Variants in ERC2 observed in about 807,000 individuals in gnomAD.
ERC2 encodes the protein ERC protein 2.
A neutral mutation model predicts 114.8 loss-of-function variants in ERC2; 42 were observed. The observed-to-expected ratio is 0.37, with a 90% CI of 0.29 to 0.47. ERC2 has a LOEUF of 0.47. Ranked by LOEUF, ERC2 falls within the 20% of genes least tolerant of loss-of-function variation. The probability of loss-of-function intolerance (pLI) is 0.99; values close to 1 mark genes in which losing one functional copy is unlikely to be tolerated. For missense variants in ERC2, 939 were observed against 1,150.7 expected (o/e 0.82, Z 2.66); for synonymous variants, 454 against 425.5 (o/e 1.07, Z -0.82).
chr3:56,137,860 A>T (rs892135592), intron 6 of ERC2, among the ~76,000 whole-genome samples: 9 of 152,154 alleles, frequency 5.9e-5, no homozygotes, highest in African/African-American at 2.2e-4. Flanking sequence ...ATTTTAATTA[A>T]TTTTAGTTTA....
At chr3:55,863,243 A>G (rs1298346906) in intron 14 of ERC2, among the ~76,000 whole-genome samples, 2 of 152,144 alleles carry the variant, frequency 1.3e-5, no homozygotes, top group Non-Finnish European at 2.9e-5. Flanking sequence ...GCCAATCCTC[A>G]AGTGATTCAG....
chr3:56,217,373 G>A (rs556651698), intron 3 of ERC2, among the ~76,000 whole-genome samples: 2 of 152,290 alleles, frequency 1.3e-5, no homozygotes, highest in Admixed American at 1.3e-4. Context: ...CAAATCATGA[G>A]TGAACTCCCA....
In ERC2 at chr3:55,831,987, G is replaced by T. The variant is rs577716639; in HGVS notation, c.2564+56402C>A. On this transcript the variant is annotated intron_variant, in intron 14 of 17. Coordinates refer to ENST00000288221, the MANE Select transcript of ERC2 (RefSeq NM_015576.3). Reference sequence around the variant, plus strand: ...ATGGCTCAGAGGGTCCTACGTCCACGGAGTTTCACTGATTGCTGGCACAGC... The same window carrying T: ...ATGGCTCAGAGGGTCCTACGTCCACTGAGTTTCACTGATTGCTGGCACAGC... Among the ~76,000 whole-genome samples the T allele has an allele frequency of 4.6e-5, 7 of 152,336 alleles. No individual in the cohort carries two copies. In the South Asian group the frequency reaches 1.2e-3, roughly 27 times the overall value.
At chr3:55,997,418 A>C (rs956140362) in intron 10 of ERC2, among the ~76,000 whole-genome samples, 1 of 151,426 alleles carries the variant, frequency 6.6e-6, no homozygotes, top group Non-Finnish European at 1.5e-5. Context: ...GTCTTCTAAA[A>C]GAATTTCAAT....
intron 6 of ERC2, among the ~76,000 whole-genome samples, chr3:56,107,686 T>C (rs1166476856): frequency 1.3e-5 from 2 of 152,146 alleles, no homozygotes; most frequent in Non-Finnish European, 2.9e-5. Flanking sequence ...AAATAAAATA[T>C]AATAAAACAG....
intron 3 of ERC2, among the ~76,000 whole-genome samples, chr3:56,251,336 T>A (rs2052138835): frequency 6.6e-6 from 1 of 152,236 alleles, no homozygotes; most frequent in Admixed American, 6.5e-5. Context: ...AAAAATCATA[T>A]ACTATTTCAA....
intron 6 of ERC2, among the ~76,000 whole-genome samples, chr3:56,117,136 C>G (rs966350491): frequency 6.6e-5 from 10 of 152,256 alleles, no homozygotes; most frequent in Admixed American, 6.5e-4. Context: ...TGGTGCTGCC[C>G]CTTCCTGAGC....
chr3:56,215,057 A>G (rs1222192973), intron 3 of ERC2, among the ~76,000 whole-genome samples: 3 of 152,218 alleles, frequency 2.0e-5, no homozygotes, highest in Non-Finnish European at 2.9e-5. Context: ...TGTAAAGACC[A>G]TCGAGGCTAG....
intron 12 of ERC2, among the ~76,000 whole-genome samples, chr3:55,975,914 A>G (rs2069554732): frequency 1.3e-5 from 2 of 152,164 alleles, no homozygotes; most frequent in African/African-American, 2.4e-5. Context: ...CAGCACAAAT[A>G]CCACCACATT....
rs564806712 is a variant in ERC2 at position 55,913,644 on chromosome 3, T to C, written c.2404-25095A>G. Among the ~76,000 whole-genome samples the C allele has an allele frequency of 3.9e-5, 6 of 152,324 alleles. No homozygotes were observed. The South Asian group carries it at 1.2e-3, about 32-fold the overall frequency. ...TTTATGGAAAAAGAAAAGGGACAAT[T>C]GGAAGATGACTTTTTCCAATGGAGA... On this transcript the variant is annotated intron_variant, in intron 13 of 17. Coordinates refer to ENST00000288221, the MANE Select transcript of ERC2 (RefSeq NM_015576.3).
chr3:56,416,301 C>T (rs1471479739), intron 2 of ERC2, among the ~76,000 whole-genome samples: 1 of 152,102 alleles, frequency 6.6e-6, no homozygotes, highest in Non-Finnish European at 1.5e-5. Context: ...CACCTCCTGC[C>T]CAAAGCTGAT....
At chr3:56,101,770 G>A (rs573545685) in intron 6 of ERC2, among the ~76,000 whole-genome samples, 2 of 152,136 alleles carry the variant, frequency 1.3e-5, no homozygotes, top group Non-Finnish European at 2.9e-5. Context: ...CATTAAAGAC[G>A]GAAATGTACT....
chr3:55,509,280 T>C lies in ERC2; in HGVS notation c.*2036A>G, dbSNP rs957253527. 1.3e-5 allele frequency: 2 copies of C among 152,560 alleles called. No individual in the cohort carries two copies. Among genetic ancestry groups the C allele is most frequent in the Non-Finnish European group, 2.9e-5 (2 of 68,020 alleles). The allele number at this position is 152,560 out of a possible 1,614,324, so 9.5% of individuals were successfully genotyped here. A position where few individuals can be genotyped will look rare whatever the true frequency, so the allele number is the denominator to read the frequency against. ...ACCCTATTTTCCCTACTGGATTTCC[T>C]ACTTCCTACTTCAAGTATTCAGTTG... On this transcript the variant is annotated 3_prime_UTR_variant, in exon 18 of 18. Coordinates refer to ENST00000288221, the MANE Select transcript of ERC2 (RefSeq NM_015576.3).
intron 13 of ERC2, among the ~76,000 whole-genome samples, chr3:55,920,444 A>ACACACACACACC (rs1553733968): frequency 6.8e-6 from 1 of 148,032 alleles, no homozygotes; most frequent in Non-Finnish European, 1.5e-5. Flanking sequence ...ACACACACAC[A>ACACACACACACC]CACCCCAAGT....
At chr3:56,140,058 A>G (rs1280473817) in intron 5 of ERC2, among the ~76,000 whole-genome samples, 1 of 152,228 alleles carries the variant, frequency 6.6e-6, no homozygotes, top group Non-Finnish European at 1.5e-5. Flanking sequence ...AAACCAAGGC[A>G]TAACTCCACA....
chr3:55,726,016 A>G (rs558370032), intron 15 of ERC2, among the ~76,000 whole-genome samples: 1 of 152,332 alleles, frequency 6.6e-6, no homozygotes, highest in Admixed American at 6.5e-5. Context: ...CTTTACCTCC[A>G]TAAGAATAAC....
At chr3:55,764,579 C>G (rs909435700) in intron 14 of ERC2, among the ~76,000 whole-genome samples, 22 of 152,178 alleles carry the variant, frequency 1.4e-4, no homozygotes, top group Non-Finnish European at 2.6e-4. Context: ...TCAAATCTTC[C>G]TTTTCCAGAC....
At position 56,435,010 on chromosome 3, in the gene ERC2, T is replaced by C. The variant is rs1372450663; in HGVS notation, c.-3A>G. On this transcript the variant is annotated 5_prime_UTR_variant, in exon 2 of 18. Transcript: ENST00000288221. ...ATTGTTCTTGCACTTCCATACATTT[T>C]TCTTGTATTATGAGGTGTTACTGAA... 1 of 1,602,678 alleles carries C rather than the reference T, an allele frequency of 6.2e-7. No individual in the cohort carries two copies. Among genetic ancestry groups the C allele is most frequent in the Non-Finnish European group, 8.5e-7 (1 of 1,177,224 alleles).
chr3:55,879,429 C>T lies in ERC2; in HGVS notation c.2564+8960G>A, dbSNP rs541455559. On this transcript the variant is annotated intron_variant, in intron 14 of 17. Transcript: ENST00000288221. ...CCCAGTTTTCTTCTTACAGTCACTTCCTTAACAGTTAAAAGAAGCATCTGT... is the reference window on the plus strand; with the variant it reads ...CCCAGTTTTCTTCTTACAGTCACTTTCTTAACAGTTAAAAGAAGCATCTGT... Among the ~76,000 whole-genome samples, 14 of 152,236 alleles carry T rather than the reference C, an allele frequency of 9.2e-5. No homozygotes were observed. The East Asian group carries it at 2.7e-3, about 29-fold the overall frequency.
Sources: allele counts gnomAD v4.1 joint callset (sites outside exome capture counted in the v4.1 genomes callset), GRCh38; gene constraint gnomAD v4.1.1; transcripts MANE v1.5; gene names NCBI Gene and HGNC (gene_info 2026-07-23, HGNC 2026-07-21).